The following CCDC146 variants were observed in gnomAD, a reference collection of about 807,000 sequenced individuals.
CCDC146 encodes the protein coiled-coil domain-containing protein 146.
Under a neutral mutation model 119.3 loss-of-function variants are expected in CCDC146, and 92 were observed. The ratio of observed to expected loss-of-function variants is 0.77; its 90% CI spans 0.65 to 0.92. The LOEUF (loss-of-function observed/expected upper bound fraction) is 0.92, where lower values mean the gene tolerates loss of function less well. Among genes scored for constraint, CCDC146 ranks in the 40% least tolerant of loss-of-function variants. The pLI, the probability that CCDC146 is intolerant of heterozygous loss-of-function variation, is 0.00. For synonymous variants in CCDC146, 372 were observed against 371.8 expected (o/e 1.00, Z -0.01); for missense variants, 1,000 against 1,103.0 (o/e 0.91, Z 1.32).
intron 1 of CCDC146, among the ~76,000 whole-genome samples, chr7:77,159,568 T>G (rs965383543): frequency 7.2e-5 from 11 of 152,212 alleles, no homozygotes; most frequent in African/African-American, 2.2e-4. Flanking sequence ...ATATCTTGGC[T>G]TTTGTAAATA....
At chr7:77,135,993 G>A (rs1562811953) in intron 1 of CCDC146, among the ~76,000 whole-genome samples, 1 of 152,164 alleles carries the variant, frequency 6.6e-6, no homozygotes, top group Non-Finnish European at 1.5e-5. Context: ...CCTAACAAGA[G>A]CATCAAACTA....
intron 7 of CCDC146, 22 bp downstream of exon 7, chr7:77,259,090 T>C (rs1793238386): frequency 1.4e-6 from 2 of 1,437,430 alleles, no homozygotes; most frequent in Non-Finnish European, 2.0e-6. Flanking sequence ...TATTTTTACT[T>C]TGAATCCCTG....
intron 4 of CCDC146, among the ~76,000 whole-genome samples, chr7:77,253,801 G>T (rs879499791): frequency 4.6e-5 from 7 of 152,200 alleles, no homozygotes; most frequent in Non-Finnish European, 8.8e-5. Flanking sequence ...GATGATATCG[G>T]TACAGGTCTG....
chr7:77,174,018 T>C lies in CCDC146; in HGVS notation c.156+6194T>C, dbSNP rs1791465608. ...CATTGATTTATCTCTTCTCCCACCA[T>C]ATTCTCAGTCTGATCAGGATCTACT... On this transcript the variant is annotated intron_variant, in intron 2 of 18. Coordinates refer to ENST00000285871, the MANE Select transcript of CCDC146 (RefSeq NM_020879.3). Among the ~76,000 whole-genome samples, 3 of 152,290 alleles carry C rather than the reference T, an allele frequency of 2.0e-5. No individual in the cohort carries two copies. The South Asian group carries it at 6.2e-4, about 32-fold the overall frequency.
intron 1 of CCDC146, among the ~76,000 whole-genome samples, chr7:77,127,131 G>A (rs1384216640): frequency 6.6e-6 from 1 of 151,994 alleles, no homozygotes; most frequent in Admixed American, 6.5e-5. Context: ...GGTCCCGTGG[G>A]TGAGAGGGCA....
intron 2 of CCDC146, among the ~76,000 whole-genome samples, chr7:77,173,625 C>CT (rs2150411723): frequency 6.6e-6 from 1 of 152,266 alleles, no homozygotes; most frequent in African/African-American, 2.4e-5. Context: ...GAAACTGCGT[C>CT]TCAAAAACAA....
chr7:77,248,515 C>T (rs1190195690), intron 4 of CCDC146, among the ~76,000 whole-genome samples: 1 of 152,184 alleles, frequency 6.6e-6, no homozygotes, highest in African/African-American at 2.4e-5. Context: ...AACCAGTGGA[C>T]ATAATTGTCT....
intron 2 of CCDC146, among the ~76,000 whole-genome samples, chr7:77,183,540 G>T (rs191630249): frequency 4.7e-4 from 72 of 152,188 alleles, no homozygotes; most frequent in African/African-American, 1.7e-3. Context: ...CTAGTGCCTG[G>T]TTTTCCACCC....
At chr7:77,205,590 T>C (rs1792068194) in intron 2 of CCDC146, among the ~76,000 whole-genome samples, 1 of 152,148 alleles carries the variant, frequency 6.6e-6, no homozygotes, top group Non-Finnish European at 1.5e-5. Flanking sequence ...AAACCCCATC[T>C]CTACCAAAAA....
At position 77,294,648 on chromosome 7, in the gene CCDC146, AATC is replaced by A; in HGVS notation, c.2665-12_2665-10del. ...AGTTTTCAGAGAACTGAAAAGGAAA[AATC>A]ATTCTTTGCAGGAGTTCTTGGAAGC... On this transcript the variant is annotated splice_polypyrimidine_tract_variant and intron_variant, in intron 18 of 18. Transcript: ENST00000285871. 2 of 1,613,528 alleles carry A rather than the reference AATC, an allele frequency of 1.2e-6. No individual in the cohort carries two copies. Among genetic ancestry groups the A allele is most frequent in the East Asian group, 2.2e-5 (1 of 44,892 alleles).
intron 2 of CCDC146, among the ~76,000 whole-genome samples, chr7:77,171,193 T>C (rs1264916457): frequency 2.6e-5 from 4 of 152,226 alleles, no homozygotes. Context: ...TCATGCATTT[T>C]TAGGTCTGAC....
chr7:77,156,060 C>G (rs1215508846), intron 1 of CCDC146, among the ~76,000 whole-genome samples: 3 of 152,138 alleles, frequency 2.0e-5, no homozygotes, highest in African/African-American at 4.8e-5. Context: ...GCCTAGAGCT[C>G]TCTCAGCACC....
chr7:77,179,797 A>G (rs1791555157), intron 2 of CCDC146, among the ~76,000 whole-genome samples: 1 of 152,198 alleles, frequency 6.6e-6, no homozygotes, highest in Non-Finnish European at 1.5e-5. Flanking sequence ...TTATTGTTCA[A>G]CTAATCTCTA....
intron 2 of CCDC146, among the ~76,000 whole-genome samples, chr7:77,203,642 C>G (rs184327391): frequency 2.1e-4 from 32 of 152,268 alleles, no homozygotes; most frequent in African/African-American, 7.7e-4. Context: ...GACCTTCTGC[C>G]TCTTCTCTCT....
At chr7:77,160,201 G>A (rs980492183) in intron 1 of CCDC146, among the ~76,000 whole-genome samples, 27 of 152,260 alleles carry the variant, frequency 1.8e-4, no homozygotes, top group South Asian at 1.0e-3. Context: ...GTCAGGTAGC[G>A]TGATGCCTCC....
Position 77,260,048 on chromosome 7 carries a change from C to A in CCDC146, c.798C>A (p.Val266=). The change falls in exon 8 of 19, where the codon GTC becomes GTA. Residue 266 remains valine (V), a synonymous_variant. Transcript: ENST00000285871. ...AAAAAATTGTCTTGGAACAAGAAGT[C>A]AAAACGCTAAATGACTCCCTAAAGA... is the stretch of plus-strand genomic sequence containing the variant. ...EKKKIVLEQE[V]KTLNDSLKKV... is the part of the protein sequence containing the mutation. 6.2e-7 allele frequency: 1 copy of A among 1,605,394 alleles called. No homozygotes were observed. The highest frequency in any genetic ancestry group is 1.1e-5 in the South Asian group (1 of 90,822).
At position 77,273,685 on chromosome 7, in the gene CCDC146, G is replaced by A. The variant is rs768450986; in HGVS notation, c.1174-9G>A. On this transcript the variant is annotated splice_polypyrimidine_tract_variant and intron_variant, in intron 9 of 18. Transcript: ENST00000285871. ...ACATAAATGCATGTTTTTAAATTTT[G>A]ATTTCCAGATGGAAGCTATCCCCAA... is the stretch of plus-strand genomic sequence containing the variant. 3.8e-6 allele frequency: 6 copies of A among 1,593,104 alleles called. No individual in the cohort carries two copies. The Middle Eastern group carries it at 1.0e-3, about 266-fold the overall frequency.
intron 1 of CCDC146, among the ~76,000 whole-genome samples, chr7:77,125,142 C>G (rs937723269): frequency 2.0e-5 from 3 of 151,600 alleles, no homozygotes; most frequent in Non-Finnish European, 4.4e-5. Context: ...TGCAGTGAGC[C>G]GAGATCACAC....
At chr7:77,239,809 A>G (rs1472450138) in intron 3 of CCDC146, among the ~76,000 whole-genome samples, 1 of 152,174 alleles carries the variant, frequency 6.6e-6, no homozygotes, top group Non-Finnish European at 1.5e-5. Flanking sequence ...GTTCTATAAG[A>G]TACTGGAGAT....
Sources: gnomAD v4.1 joint callset for allele counts (sites outside exome capture counted in the v4.1 genomes callset) on GRCh38, gnomAD v4.1.1 for gene constraint, MANE v1.5 for transcripts, NCBI Gene and HGNC (gene_info 2026-07-23, HGNC 2026-07-21) for gene names.